Variants in CRYBG1 observed in about 807,000 individuals in gnomAD.
CRYBG1 encodes crystallin beta-gamma domain containing 1, also known as beta/gamma crystallin domain-containing protein 1.
CRYBG1 carries 139 observed loss-of-function variants against 189.2 expected under a neutral mutation model. The observed-to-expected ratio is 0.73, with a 90% CI of 0.64 to 0.85. CRYBG1 has a LOEUF of 0.85. CRYBG1 is among the 40% of genes least tolerant of loss of function. CRYBG1 has a pLI of 0.00. For missense variants in CRYBG1, 2,611 were observed against 2,675.8 expected (o/e 0.98, Z 0.53); for synonymous variants, 1,023 against 1,017.1 (o/e 1.01, Z -0.11).
At chr6:106,437,911 G>A (rs1414471925) in intron 1 of CRYBG1, among the ~76,000 whole-genome samples, 2 of 152,170 alleles carry the variant, frequency 1.3e-5, no homozygotes, top group African/African-American at 2.4e-5. Flanking sequence ...AGGAATGGAC[G>A]ATATAGAGAT....
Position 106,511,416 on chromosome 6 carries a change from C to A in CRYBG1, c.313-14C>A, listed in dbSNP as rs1053032671. The A allele has an allele frequency of 1.0e-5, 16 of 1,527,998 alleles. No homozygotes were observed. The highest frequency in any genetic ancestry group is 1.4e-5 in the Non-Finnish European group (16 of 1,142,658). 94.7% of individuals were successfully genotyped at this position (1,527,998 alleles called of 1,614,324 possible). A position where few individuals can be genotyped will look rare whatever the true frequency, so the allele number is the denominator to read the frequency against. On this transcript the variant is annotated splice_polypyrimidine_tract_variant and intron_variant, in intron 2 of 21. Coordinates refer to ENST00000633556, the MANE Select transcript of CRYBG1 (RefSeq NM_001371242.2). ...ATTCTCATATGTTCCCTCCTCATCC[C>A]TTTTATTTTTCAGTCCAGAGCACAA...
At chr6:106,500,279 A>T (rs1407450463) in intron 2 of CRYBG1, among the ~76,000 whole-genome samples, 3 of 152,180 alleles carry the variant, frequency 2.0e-5, no homozygotes, top group African/African-American at 2.4e-5. Context: ...TCCCACCAAC[A>T]GTGTATAAGA....
At chr6:106,490,893 A>G (rs6919829) in intron 2 of CRYBG1, among the ~76,000 whole-genome samples, 77,998 of 141,496 alleles carry the variant, frequency 0.55, 20,798 homozygotes, top group African/African-American at 0.68. Flanking sequence ...TTCAACTTGT[A>G]CTTCAAAAAA....
chr6:106,395,933 G>T (rs1034642052), intron 1 of CRYBG1, among the ~76,000 whole-genome samples: 6 of 145,442 alleles, frequency 4.1e-5, no homozygotes, highest in African/African-American at 1.5e-4. Context: ...TGAGGCATTG[G>T]TCATGTTTCC....
At position 106,512,211 on chromosome 6, in the gene CRYBG1, G is replaced by A. The variant is rs1220412286; in HGVS notation, c.1094G>A (p.Arg365His). 15 of 1,536,314 alleles carry A rather than the reference G, an allele frequency of 9.8e-6. No homozygotes were observed. The East Asian group carries it at 3.4e-4, about 35-fold the overall frequency. ...TCCGCGCAGGCAGACTGCACAGCCCGCCCCAAGGGTCACGCCCACCCTGCT... is the reference window on the plus strand; with the variant it reads ...TCCGCGCAGGCAGACTGCACAGCCCACCCCAAGGGTCACGCCCACCCTGCT... ...ASSAQADCTARPKGHAHPAKV... is the reference protein window; with the variant it reads ...ASSAQADCTAHPKGHAHPAKV... Residue 365 changes from arginine to histidine, a missense_variant, in exon 3 of 22, where the codon CGC becomes CAC. By Grantham distance (29) the Arg-to-His change is conservative. This residue lies in a region of CRYBG1 where 985 missense variants were observed against 924.4 expected (regional missense o/e 1.07). Coordinates refer to ENST00000633556, the MANE Select transcript of CRYBG1 (RefSeq NM_001371242.2).
chr6:106,361,876 C>G (rs1771874650), intron 1 of CRYBG1, among the ~76,000 whole-genome samples: 1 of 151,942 alleles, frequency 6.6e-6, no homozygotes. Flanking sequence ...TAAATCCTTC[C>G]AAATGTGTTT....
chr6:106,541,831 G>A (rs1774137174), intron 10 of CRYBG1, among the ~76,000 whole-genome samples: 1 of 152,120 alleles, frequency 6.6e-6, no homozygotes, highest in African/African-American at 2.4e-5. Flanking sequence ...TGATGCTAAT[G>A]GCACTGGTTA....
At chr6:106,523,015 G>A (rs1453215926) in intron 4 of CRYBG1, among the ~76,000 whole-genome samples, 1 of 152,152 alleles carries the variant, frequency 6.6e-6, no homozygotes, top group East Asian at 1.9e-4. Flanking sequence ...AATAATTGCT[G>A]AGAAAATTGT....
At chr6:106,552,001 G>A (rs551308864) in intron 14 of CRYBG1, 23 bp downstream of exon 14, 22 of 1,576,874 alleles carry the variant, frequency 1.4e-5, no homozygotes, top group East Asian at 4.5e-5. Flanking sequence ...ATTTTTGTAT[G>A]AGAATATTTA....
chr6:106,436,391 C>T (rs111311721), intron 1 of CRYBG1, among the ~76,000 whole-genome samples: 5,224 of 151,878 alleles, frequency 0.034, 303 homozygotes, highest in African/African-American at 0.12. Flanking sequence ...CTCCGCCTCC[C>T]GGGTTCACTC....
At position 106,569,183 on chromosome 6, in the gene CRYBG1, T is replaced by C. The variant is rs1043435685; in HGVS notation, c.*617T>C. ...TCCTTTAGTTCATATTAAAAATTAA[T>C]ACATTTTAAAAATTTAATGTCAAAG... On this transcript the variant is annotated 3_prime_UTR_variant, in exon 22 of 22. Coordinates refer to ENST00000633556, the MANE Select transcript of CRYBG1 (RefSeq NM_001371242.2). 3 of 152,220 alleles carry C rather than the reference T, an allele frequency of 2.0e-5. No homozygotes were observed. The highest frequency in any genetic ancestry group is 4.4e-5 in the Non-Finnish European group (3 of 68,044). The allele number at this position is 152,220 out of a possible 1,614,324, so 9.4% of individuals were successfully genotyped here. A position where few individuals can be genotyped will look rare whatever the true frequency, so the allele number is the denominator to read the frequency against.
intron 10 of CRYBG1, among the ~76,000 whole-genome samples, chr6:106,543,188 C>T (rs1300380623): frequency 8.6e-5 from 13 of 151,802 alleles, no homozygotes. Context: ...CATCACTATG[C>T]CCAGCTAATT....
intron 9 of CRYBG1, among the ~76,000 whole-genome samples, chr6:106,540,863 G>T (rs1774112943): frequency 6.6e-6 from 1 of 151,788 alleles, no homozygotes; most frequent in Non-Finnish European, 1.5e-5. Flanking sequence ...TTAAACTCTT[G>T]AACTATTTAA....
intron 2 of CRYBG1, among the ~76,000 whole-genome samples, chr6:106,463,729 G>C (rs1562314214): frequency 6.6e-6 from 1 of 152,150 alleles, no homozygotes; most frequent in Non-Finnish European, 1.5e-5. Context: ...GCAGGAAAGG[G>C]ATTTAGTATT....
At chr6:106,412,285 C>T (rs2114373442) in intron 1 of CRYBG1, among the ~76,000 whole-genome samples, 1 of 152,376 alleles carries the variant, frequency 6.6e-6, no homozygotes, top group South Asian at 2.1e-4. Flanking sequence ...CATCAGGCAG[C>T]CTCACACTGC....
At chr6:106,363,555 A>G (rs955665923) in intron 1 of CRYBG1, among the ~76,000 whole-genome samples, 2 of 152,166 alleles carry the variant, frequency 1.3e-5, no homozygotes, top group East Asian at 1.9e-4. Context: ...CCTCCTGACC[A>G]TATCCCTTCA....
chr6:106,477,683 G>A (rs1772359495), intron 2 of CRYBG1, among the ~76,000 whole-genome samples: 1 of 152,194 alleles, frequency 6.6e-6, no homozygotes, highest in African/African-American at 2.4e-5. Context: ...AGAAAAAAAA[G>A]GAGACCCATG....
intron 2 of CRYBG1, among the ~76,000 whole-genome samples, chr6:106,488,618 G>A (rs1228726996): frequency 1.3e-5 from 2 of 152,160 alleles, no homozygotes; most frequent in Non-Finnish European, 2.9e-5. Flanking sequence ...GCTCTCTCTG[G>A]TGGGGTGGGC....
At chr6:106,393,542 T>C (rs1770549587) in intron 1 of CRYBG1, among the ~76,000 whole-genome samples, 1 of 152,186 alleles carries the variant, frequency 6.6e-6, no homozygotes, top group East Asian at 1.9e-4. Context: ...TGGTGCACAG[T>C]CCATACCTCT....
Sources: allele counts gnomAD v4.1 joint callset (sites outside exome capture counted in the v4.1 genomes callset), GRCh38; gene constraint gnomAD v4.1.1; regional missense constraint gnomAD v4.1.1; transcripts MANE v1.5; gene names NCBI Gene and HGNC (gene_info 2026-07-23, HGNC 2026-07-21).